The following PSIP1 variants were observed in gnomAD, a reference collection of about 807,000 sequenced individuals.
PSIP1 encodes PC4 and SFRS1-interacting protein.
In PSIP1, 19 loss-of-function variants were observed where a neutral mutation model predicts 74.7. The observed-to-expected ratio is 0.25, with a 90% CI of 0.18 to 0.37. PSIP1 has a LOEUF of 0.37. PSIP1 is among the 10% of genes least tolerant of loss of function. PSIP1 has a pLI of 1.00. For missense variants in PSIP1, 601 were observed against 614.3 expected (o/e 0.98, Z 0.23); for synonymous variants, 222 against 195.3 (o/e 1.14, Z -1.14).
intron 10 of PSIP1, chr9:15,470,741 T>C: frequency 1.0e-6 from 1 of 960,796 alleles, no homozygotes; most frequent in Non-Finnish European, 1.3e-6. Flanking sequence ...TTTATTAAGA[T>C]TCTAAAGAAT....
rs1319935365 is a variant in PSIP1, at chr9:15,468,842, A to G, written c.1208T>C (p.Ile403Thr). Residue 403 changes from isoleucine (I) to threonine (T), a missense_variant and splice_region_variant, in exon 14 of 16, where the codon ATA (isoleucine) becomes ACA (threonine). Transcript: ENST00000380733. ...TACCTGACTAACTTTGAATCGCCGT[A>G]TCTGAGAAAACAATATACATTCATC... ...HTEMITTLKKIRRFKVSQVIM... is the reference protein window; with the variant it reads ...HTEMITTLKKTRRFKVSQVIM... 6.2e-7 allele frequency: 1 copy of G among 1,612,744 alleles called. No individual in the cohort carries two copies. The highest frequency in any genetic ancestry group is 8.5e-7 in the Non-Finnish European group (1 of 1,178,916).
At chr9:15,508,987 T>C (rs2037725947) in intron 2 of PSIP1, among the ~76,000 whole-genome samples, 1 of 152,162 alleles carries the variant, frequency 6.6e-6, no homozygotes, top group Admixed American at 6.5e-5. Flanking sequence ...GGAAGGAAAC[T>C]TGTGAACAGG....
chr9:15,492,679 G>A (rs766260205), intron 3 of PSIP1, among the ~76,000 whole-genome samples: 11 of 152,192 alleles, frequency 7.2e-5, no homozygotes, highest in Non-Finnish European at 5.9e-5. Flanking sequence ...GGTTCTCCAC[G>A]AAGTCTTCGT....
At chr9:15,485,668 G>C (rs2036529609) in intron 6 of PSIP1, among the ~76,000 whole-genome samples, 1 of 152,076 alleles carries the variant, frequency 6.6e-6, no homozygotes, top group Non-Finnish European at 1.5e-5. Flanking sequence ...TTAGGTATCA[G>C]GATTTAGCAT....
chr9:15,508,923 T>G (rs1250014553), intron 2 of PSIP1, among the ~76,000 whole-genome samples: 1 of 152,230 alleles, frequency 6.6e-6, no homozygotes, highest in Non-Finnish European at 1.5e-5. Context: ...CTAAGGATTG[T>G]TCAAGTAAGA....
intron 6 of PSIP1, among the ~76,000 whole-genome samples, chr9:15,484,429 T>C (rs879305811): frequency 6.6e-6 from 1 of 151,864 alleles, no homozygotes. Flanking sequence ...TGAGACCCCA[T>C]CTCTACTAAA....
In PSIP1 at chr9:15,465,039, A is replaced by G. The variant is rs148590935; in HGVS notation, c.*481T>C. The stretch of plus-strand genomic sequence containing the variant: ...TGATAAAAAGGGAGTGAGTACTTGT[A>G]TAGAAGTAACATTTTATCTACCATA... On this transcript the variant is annotated 3_prime_UTR_variant, in exon 16 of 16. Coordinates refer to ENST00000380733, the MANE Select transcript of PSIP1 (RefSeq NM_033222.5). 8.6e-4 allele frequency: 191 copies of G among 223,224 alleles called. 1 individual carries two copies. The highest frequency in any genetic ancestry group is 3.8e-3 in the African/African-American group (170 of 44,844). The allele number at this position is 223,224 out of a possible 1,614,324, so 13.8% of individuals were successfully genotyped here.
At chr9:15,467,142 A>G (rs552986696) in intron 14 of PSIP1, among the ~76,000 whole-genome samples, 120 of 152,296 alleles carry the variant, frequency 7.9e-4, no homozygotes, top group Admixed American at 3.1e-3. Context: ...GTGGATTATT[A>G]ATCTGATTAT....
intron 2 of PSIP1, among the ~76,000 whole-genome samples, chr9:15,509,505 C>G (rs750234943): frequency 1.3e-5 from 2 of 152,194 alleles, no homozygotes; most frequent in Non-Finnish European, 2.9e-5. Context: ...GGTAAAACAA[C>G]TTCTTCAAGG....
chr9:15,479,831 T>C (rs2036259119), intron 6 of PSIP1, 144 bp from the exon 7 acceptor site: 3 of 507,018 alleles, frequency 5.9e-6, no homozygotes, highest in Admixed American at 7.9e-5. Flanking sequence ...TTTTCAACAA[T>C]CAACTCAAGA....
chr9:15,487,073 C>G, intron 4 of PSIP1, 142 bp from the exon 5 acceptor site: 1 of 491,846 alleles, frequency 2.0e-6, no homozygotes, highest in Non-Finnish European at 3.4e-6. Flanking sequence ...TTATGGTTCA[C>G]TGAAGCCTCA....
chr9:15,506,403 A>C (rs1315827666), intron 3 of PSIP1, 158 bp downstream of exon 3: 9 of 502,324 alleles, frequency 1.8e-5, no homozygotes, highest in Non-Finnish European at 3.2e-5. Context: ...TAGCATCTGT[A>C]AACGCTACCT....
intron 6 of PSIP1, among the ~76,000 whole-genome samples, chr9:15,483,149 T>A (rs1314884418): frequency 6.6e-6 from 1 of 152,164 alleles, no homozygotes; most frequent in Non-Finnish European, 1.5e-5. Flanking sequence ...TACCCTATCT[T>A]CATGCCAGAG....
intron 3 of PSIP1, among the ~76,000 whole-genome samples, chr9:15,497,111 T>G (rs1298571006): frequency 1.3e-5 from 2 of 152,204 alleles, no homozygotes; most frequent in Non-Finnish European, 2.9e-5. Context: ...GACACAAATG[T>G]TCACAGCATT....
intron 6 of PSIP1, among the ~76,000 whole-genome samples, chr9:15,480,252 C>A (rs560883035): frequency 6.6e-6 from 1 of 152,066 alleles, no homozygotes; most frequent in Non-Finnish European, 1.5e-5. Flanking sequence ...GTTAAGAACA[C>A]AAATTAGAAA....
At chr9:15,496,223 C>T (rs1356877747) in intron 3 of PSIP1, among the ~76,000 whole-genome samples, 12 of 152,134 alleles carry the variant, frequency 7.9e-5, no homozygotes, top group African/African-American at 2.9e-4. Context: ...AAATTTTAAC[C>T]ATGTTGTTAG....
At chr9:15,488,736 A>T (rs1289824003) in intron 4 of PSIP1, among the ~76,000 whole-genome samples, 1 of 152,088 alleles carries the variant, frequency 6.6e-6, no homozygotes, top group Non-Finnish European at 1.5e-5. Context: ...AATACAAAAA[A>T]TTAGGCTGGA....
intron 3 of PSIP1, among the ~76,000 whole-genome samples, chr9:15,492,523 T>G (rs1227684905): frequency 6.6e-6 from 1 of 152,198 alleles, no homozygotes; most frequent in Non-Finnish European, 1.5e-5. Flanking sequence ...GTCTGCAGCT[T>G]TTCCAGGTGC....
In PSIP1 at chr9:15,486,910, C is replaced by A; in HGVS notation, c.310G>T (p.Ala104Ser). The stretch of plus-strand genomic sequence containing the variant: ...TCTTCAACTTCAACATCAGATGATG[C>A]ATTTGATTGTTTAGTTGCTGCCTGT... ...SQQAATKQSN[A>S]SSDVEVEEKE... The change falls in exon 5 of 16, where the codon GCA (alanine) becomes TCA (serine). Residue 104 changes from alanine (A) to serine (S), a missense_variant. Transcript: ENST00000380733. 6.2e-7 allele frequency: 1 copy of A among 1,610,796 alleles called. No individual in the cohort carries two copies.
Sources: gnomAD v4.1 joint callset for allele counts (sites outside exome capture counted in the v4.1 genomes callset) on GRCh38, gnomAD v4.1.1 for gene constraint, MANE v1.5 for transcripts, NCBI Gene and HGNC (gene_info 2026-07-23, HGNC 2026-07-21) for gene names.